ZNFX1: variants seen among roughly 807,000 people sequenced by gnomAD.
The protein encoded by ZNFX1 is NFX1-type zinc finger-containing protein 1.
Under a neutral mutation model 179.8 loss-of-function variants are expected in ZNFX1, and 78 were observed. The observed-to-expected ratio is 0.43, with a 90% CI of 0.36 to 0.52. ZNFX1 has a LOEUF of 0.52. Ranked by LOEUF, ZNFX1 falls within the 20% of genes least tolerant of loss-of-function variation. The pLI is 0.00. For synonymous variants in ZNFX1, 848 were observed against 868.5 expected, an observed-to-expected ratio of 0.98 and a Z score of 0.42; for missense variants, 1,927 against 2,386.6, an observed-to-expected ratio of 0.81 and a Z score of 4.01.
Position 49,275,890 on chromosome 20 carries a change from G to A in ZNFX1, c.-48-3C>T. 6.3e-7 allele frequency: 1 copy of A among 1,596,408 alleles called. No homozygotes were observed. Among genetic ancestry groups the A allele is most frequent in the Non-Finnish European group, 8.6e-7 (1 of 1,164,154 alleles). On this transcript the variant is annotated splice_region_variant and splice_polypyrimidine_tract_variant and intron_variant, in intron 1 of 13. Transcript: ENST00000396105. ...GTTACTTTCTGTTATCTGGAAAACT[G>A]CACATGTTGAGTTATCAGTGTCCTC...
chr20:49,250,961 G>A (rs1459595299), intron 13 of ZNFX1, among the ~76,000 whole-genome samples: 1 of 152,036 alleles, frequency 6.6e-6, no homozygotes, highest in African/African-American at 2.4e-5. Flanking sequence ...CGCCCGCCTC[G>A]GCCTCACAAA....
intron 3 of ZNFX1, among the ~76,000 whole-genome samples, chr20:49,269,095 T>G (rs943970427): frequency 1.3e-5 from 2 of 152,194 alleles, no homozygotes; most frequent in Non-Finnish European, 2.9e-5. Flanking sequence ...AGCAAAGATA[T>G]GGACTCAACC....
rs1403648647 is a variant in ZNFX1 at position 49,248,688 on chromosome 20, G to C, written c.4336C>G (p.Pro1446Ala). The C allele has an allele frequency of 6.2e-7, 1 of 1,612,638 alleles. No individual in the cohort carries two copies. Among genetic ancestry groups the C allele is most frequent in the Non-Finnish European group, 8.5e-7 (1 of 1,180,040 alleles). Residue 1446 changes from proline (P) to alanine (A), a missense_variant, in exon 14 of 14, where the codon CCA becomes GCA. Transcript: ENST00000396105. This position sits in a 1 kb window ranked among gnomAD's most constrained non-coding sequence, Gnocchi z 4.6. ...GTILDCGHPC[P>A]GSCHSCFEGR... ...TCGAAGCAGCTGTGGCAGGAGCCTGGGCAAGGATGCCCGCAGTCCAAGATA... is the reference window on the plus strand; with the variant it reads ...TCGAAGCAGCTGTGGCAGGAGCCTGCGCAAGGATGCCCGCAGTCCAAGATA...
chr20:49,262,026 A>C (rs1327606889), intron 6 of ZNFX1, among the ~76,000 whole-genome samples: 1 of 119,628 alleles, frequency 8.4e-6, no homozygotes, highest in Non-Finnish European at 1.8e-5. Flanking sequence ...ATTAAAAAAG[A>C]AACATCATAT....
intron 7 of ZNFX1, 89 bp from the exon 8 acceptor site, chr20:49,257,753 G>A: frequency 6.8e-7 from 1 of 1,463,240 alleles, no homozygotes; most frequent in Non-Finnish European, 9.0e-7. Context: ...CCAGGGTGGA[G>A]TGCGGTGGTG....
In ZNFX1 at chr20:49,247,925, C is replaced by T. The variant is rs750391391; in HGVS notation, c.5099G>A (p.Gly1700Asp). 1 of 1,614,090 alleles carries T rather than the reference C, an allele frequency of 6.2e-7. No individual in the cohort carries two copies. Among genetic ancestry groups the T allele is most frequent in the Non-Finnish European group, 8.5e-7 (1 of 1,180,008 alleles). Residue 1700 changes from glycine to aspartate, a missense_variant, in exon 14 of 14, where the codon GGT becomes GAT. Coordinates refer to ENST00000396105, the MANE Select transcript of ZNFX1 (RefSeq NM_021035.3). The part of the protein sequence containing the change: ...AQKNLSVKDL[G>D]LVENYISFYD... ...GAAGCTGATGTAATTCTCAACCAGA[C>T]CCAGGTCCTTCACTGACAGATTTTT...
Position 49,257,411 on chromosome 20 carries a change from G to C in ZNFX1, c.2664+6C>G, listed in dbSNP as rs188379821. 57 of 1,613,198 alleles carry C rather than the reference G, an allele frequency of 3.5e-5. No individual in the cohort carries two copies. In the African/African-American group the frequency reaches 6.9e-4, roughly 20 times the overall value. ...GGCCTGTTTCAACCCAAGGAAGTGAGTTTACCTGCCACTCTCCTGTGGCTT... is the reference window on the plus strand; with the variant it reads ...GGCCTGTTTCAACCCAAGGAAGTGACTTTACCTGCCACTCTCCTGTGGCTT... On this transcript the variant is annotated splice_donor_region_variant and intron_variant, in intron 8 of 13. Coordinates refer to ENST00000396105, the MANE Select transcript of ZNFX1 (RefSeq NM_021035.3).
At chr20:49,259,344 T>G (rs1201912034) in intron 7 of ZNFX1, among the ~76,000 whole-genome samples, 4 of 152,140 alleles carry the variant, frequency 2.6e-5, no homozygotes, top group African/African-American at 9.7e-5. Flanking sequence ...TTTATATTAC[T>G]CATTTCCTTT....
At chr20:49,262,253 A>G (rs1981131620) in intron 6 of ZNFX1, among the ~76,000 whole-genome samples, 1 of 151,796 alleles carries the variant, frequency 6.6e-6, no homozygotes, top group South Asian at 2.1e-4. Flanking sequence ...TGTCTCTACA[A>G]AAATTAGCCA....
Position 49,249,623 on chromosome 20 carries a change from G to A in ZNFX1, c.3401C>T (p.Ala1134Val). The part of the protein sequence containing the change: ...EGKSHQNQHE[A>V]HFVVELCKYF... ...CTTGCACAGCTCTACCACAAAGTGA[G>A]CCTCATGCTGGTTCTGATGGCTTTT... The change falls in exon 14 of 14, where the codon GCT becomes GTT. Residue 1134 changes from alanine to valine, a missense_variant. Coordinates refer to ENST00000396105, the MANE Select transcript of ZNFX1 (RefSeq NM_021035.3). The A allele has an allele frequency of 1.9e-6, 3 of 1,614,230 alleles. No individual in the cohort carries two copies. The highest frequency in any genetic ancestry group is 2.5e-6 in the Non-Finnish European group (3 of 1,180,042).
In ZNFX1 at chr20:49,255,824, G is replaced by A. The variant is rs1384191104; in HGVS notation, c.2788C>T (p.Arg930Cys). ...ACACAGTACCTATAAAGCTGCCAGCGAGAACTGAGGTCCAGCTGCCAAACA... is the reference window on the plus strand; with the variant it reads ...ACACAGTACCTATAAAGCTGCCAGCAAGAACTGAGGTCCAGCTGCCAAACA... ...EDVWQLDLSS[R>C]WQLYRLWLQL... The change falls in exon 9 of 14, where the codon CGC becomes TGC. Residue 930 changes from arginine (R) to cysteine (C), a missense_variant. Coordinates refer to ENST00000396105, the MANE Select transcript of ZNFX1 (RefSeq NM_021035.3). The A allele has an allele frequency of 1.2e-6, 2 of 1,613,648 alleles. No homozygotes were observed. The highest frequency in any genetic ancestry group is 2.2e-5 in the East Asian group (1 of 44,884).
intron 7 of ZNFX1, among the ~76,000 whole-genome samples, chr20:49,260,222 G>T (rs1473173213): frequency 1.3e-5 from 2 of 150,334 alleles, no homozygotes; most frequent in Non-Finnish European, 2.9e-5. Flanking sequence ...CTGGAAGGTG[G>T]AGGTTGCAGT....
intron 11 of ZNFX1, 106 bp from the exon 12 acceptor site, chr20:49,252,936 T>C: frequency 2.4e-6 from 2 of 831,918 alleles, no homozygotes; most frequent in South Asian, 2.8e-5. Flanking sequence ...GTGTTGACTA[T>C]GTGCCAGGCA....
In ZNFX1 at chr20:49,255,936, G is replaced by C; in HGVS notation, c.2676C>G (p.Asn892Lys). ...QATGEWQTQRNQKKKMKKRVK... is the reference protein window; with the variant it reads ...QATGEWQTQRKQKKKMKKRVK... ...CTCTTTTTTTCATTTTCTTTTTCTG[G>C]TTGCGCTGGGTCTGCAGACATCAAT... Residue 892 changes from asparagine to lysine, a missense_variant, in exon 9 of 14, where the codon AAC (asparagine) becomes AAG (lysine). Transcript: ENST00000396105. 1 of 1,613,930 alleles carries C rather than the reference G, an allele frequency of 6.2e-7. No homozygotes were observed. Among genetic ancestry groups the C allele is most frequent in the South Asian group, 1.1e-5 (1 of 91,080 alleles).
At chr20:49,261,577 G>A (rs1052960419) in intron 6 of ZNFX1, among the ~76,000 whole-genome samples, 4 of 151,972 alleles carry the variant, frequency 2.6e-5, no homozygotes, top group Non-Finnish European at 2.9e-5. Context: ...GGAGGGAGAG[G>A]AGCAGGAAAA....
In ZNFX1 at chr20:49,255,870, G is replaced by T. The variant is rs573775001; in HGVS notation, c.2742C>A (p.Ala914=). ...AAACATCCTCGATCTCGTTGGCCTCGGCTGCAGTCATGGTGTTCAGTTTGC... is the reference window on the plus strand; with the variant it reads ...AAACATCCTCGATCTCGTTGGCCTCTGCTGCAGTCATGGTGTTCAGTTTGC... The part of the protein sequence containing the change: ...ELRKLNTMTA[A]EANEIEDVWQ... Residue 914 remains alanine, a synonymous_variant, in exon 9 of 14, where the codon GCC becomes GCA. Transcript: ENST00000396105. 2 of 1,614,076 alleles carry T rather than the reference G, an allele frequency of 1.2e-6. No homozygotes were observed. The highest frequency in any genetic ancestry group is 2.2e-5 in the South Asian group (2 of 91,074).
rs36068952 is a variant in ZNFX1, at chr20:49,249,135, C to T, written c.3889G>A (p.Gly1297Ser). The change falls in exon 14 of 14, where the codon GGC becomes AGC. Residue 1297 changes from glycine to serine, a missense_variant. Physicochemically the swap from Gly to Ser is moderately conservative, Grantham distance 56 (BLOSUM62 0). Coordinates refer to ENST00000396105, the MANE Select transcript of ZNFX1 (RefSeq NM_021035.3). ...GCSLPCEFRLGCGHVCTRACH... is the reference protein window; with the variant it reads ...GCSLPCEFRLSCGHVCTRACH... Reference sequence around the variant, plus strand: ...GCACGGGTGCAGACATGCCCACAGCCCAGGCGGAACTCGCAGGGCAGGCTG... The same window carrying T: ...GCACGGGTGCAGACATGCCCACAGCTCAGGCGGAACTCGCAGGGCAGGCTG... 18,546 of 1,614,180 alleles carry T rather than the reference C, an allele frequency of 0.011. 1,577 individuals are homozygous for T. In the African/African-American group the frequency reaches 0.2, roughly 18 times the overall value.
intron 11 of ZNFX1, 145 bp downstream of exon 11, chr20:49,253,521 G>C (rs1195896796): frequency 3.2e-6 from 3 of 949,244 alleles, no homozygotes; most frequent in Non-Finnish European, 4.7e-6. Flanking sequence ...TCTGCTCTTA[G>C]ACTGAACGTG....
chr20:49,258,807 AAAAT>A (rs1331109285), intron 7 of ZNFX1, among the ~76,000 whole-genome samples: 3 of 142,902 alleles, frequency 2.1e-5, no homozygotes, highest in East Asian at 2.2e-4. Context: ...CTCCATCTCA[AAAAT>A]AAATAAATAA....
Sources: gnomAD v4.1 joint callset for allele counts (sites outside exome capture counted in the v4.1 genomes callset) on GRCh38, gnomAD v4.1.1 for gene constraint, Gnocchi (gnomAD v3.1) non-coding constraint, MANE v1.5 for transcripts, NCBI Gene and HGNC (gene_info 2026-07-23, HGNC 2026-07-21) for gene names.